SRBD1: variants seen among roughly 807,000 people sequenced by gnomAD.
SRBD1 encodes S1 RNA binding domain 1.
In SRBD1, 88 loss-of-function variants were observed where a neutral mutation model predicts 115.3. That is an observed-to-expected ratio of 0.76 (90% CI 0.64 to 0.91). The LOEUF (loss-of-function observed/expected upper bound fraction) is 0.91. Among genes scored for constraint, SRBD1 ranks in the 40% least tolerant of loss-of-function variants. SRBD1 has a pLI of 0.00. For synonymous variants in SRBD1, 509 were observed against 407.7 expected (o/e 1.25, Z -2.99); for missense variants, 1,385 against 1,177.4 (o/e 1.18, Z -2.58).
At chr2:45,497,821 G>A (rs570159593) in intron 14 of SRBD1, among the ~76,000 whole-genome samples, 9 of 152,066 alleles carry the variant, frequency 5.9e-5, no homozygotes, top group East Asian at 5.8e-4. Flanking sequence ...CAGATCACGA[G>A]GTCAGGAGTT....
chr2:45,533,396 T>C (rs1671672610), intron 14 of SRBD1, among the ~76,000 whole-genome samples: 1 of 152,050 alleles, frequency 6.6e-6, no homozygotes, highest in African/African-American at 2.4e-5. Context: ...AACCCTAATA[T>C]GGTTCCTAAC....
chr2:45,549,517 C>T (rs1672227952), intron 12 of SRBD1, among the ~76,000 whole-genome samples: 1 of 151,054 alleles, frequency 6.6e-6, no homozygotes, highest in Non-Finnish European at 1.5e-5. Flanking sequence ...GAAAGATGTG[C>T]CTAATGTATG....
At chr2:45,544,031 A>C (rs1044802020) in intron 14 of SRBD1, among the ~76,000 whole-genome samples, 8 of 152,110 alleles carry the variant, frequency 5.3e-5, no homozygotes, top group African/African-American at 1.7e-4. Flanking sequence ...GAAGGCACCA[A>C]AGATCCTGGC....
At chr2:45,440,788 G>T (rs1305390374) in intron 16 of SRBD1, among the ~76,000 whole-genome samples, 2 of 152,148 alleles carry the variant, frequency 1.3e-5, no homozygotes, top group South Asian at 2.1e-4. Context: ...ATGGTTCTGT[G>T]TGAGAGAGAC....
At chr2:45,472,714 T>C (rs76244870) in intron 16 of SRBD1, among the ~76,000 whole-genome samples, 1 of 152,220 alleles carries the variant, frequency 6.6e-6, no homozygotes, top group Non-Finnish European at 1.5e-5. Context: ...AAACAGTGAA[T>C]TTGTCTCATC....
At chr2:45,450,981 A>G (rs1668975203) in intron 16 of SRBD1, among the ~76,000 whole-genome samples, 1 of 152,188 alleles carries the variant, frequency 6.6e-6, no homozygotes, top group Admixed American at 6.5e-5. Flanking sequence ...GTGGAAACAC[A>G]AAAGATGTTT....
At chr2:45,607,760 C>T (rs894305182) in intron 1 of SRBD1, among the ~76,000 whole-genome samples, 1 of 152,060 alleles carries the variant, frequency 6.6e-6, no homozygotes, top group South Asian at 2.1e-4. Flanking sequence ...AGGCAACTGC[C>T]CCAGGAAAAA....
At chr2:45,538,724 T>C (rs1671842196) in intron 14 of SRBD1, among the ~76,000 whole-genome samples, 1 of 152,256 alleles carries the variant, frequency 6.6e-6, no homozygotes, top group African/African-American at 2.4e-5. Context: ...TTACTGAGTC[T>C]ATCTCATTCA....
intron 10 of SRBD1, among the ~76,000 whole-genome samples, chr2:45,558,993 C>A (rs987731974): frequency 6.6e-6 from 1 of 152,160 alleles, no homozygotes; most frequent in Admixed American, 6.5e-5. Flanking sequence ...AGCCACCACG[C>A]CCAGCCGCCA....
At chr2:45,459,971 C>T (rs1177073513) in intron 16 of SRBD1, among the ~76,000 whole-genome samples, 3 of 152,112 alleles carry the variant, frequency 2.0e-5, no homozygotes, top group East Asian at 1.9e-4. Context: ...AATAACCCAA[C>T]GGCAAGGATG....
Position 45,393,147 on chromosome 2 carries a change from A to C in SRBD1, c.2514-18T>G. The C allele has an allele frequency of 6.3e-7, 1 of 1,585,950 alleles. No homozygotes were observed. The highest frequency in any genetic ancestry group is 1.2e-5 in the South Asian group (1 of 85,626). On this transcript the variant is annotated intron_variant, in intron 19 of 20. Coordinates refer to ENST00000263736, the MANE Select transcript of SRBD1 (RefSeq NM_018079.5). ...ACAAAAACCTGCAGTGGAAAAAATA[A>C]AAAGCGCAACACTTAACAATATTAC...
intron 16 of SRBD1, among the ~76,000 whole-genome samples, chr2:45,442,971 C>T (rs940449949): frequency 1.3e-5 from 2 of 152,034 alleles, no homozygotes; most frequent in African/African-American, 4.8e-5. Context: ...TAACAAGCTA[C>T]AGTGCTGAAA....
At chr2:45,412,928 G>C (rs769085473) in intron 19 of SRBD1, among the ~76,000 whole-genome samples, 186 bp downstream of exon 19, 5 of 152,116 alleles carry the variant, frequency 3.3e-5, no homozygotes, top group Non-Finnish European at 5.9e-5. Flanking sequence ...TGCTCCAGGA[G>C]TAATGGTTTC....
chr2:45,585,674 T>C lies in SRBD1; in HGVS notation c.749A>G (p.Lys250Arg). 1 of 1,612,786 alleles carries C rather than the reference T, an allele frequency of 6.2e-7. No homozygotes were observed. Among genetic ancestry groups the C allele is most frequent in the Non-Finnish European group, 8.5e-7 (1 of 1,179,642 alleles). Residue 250 changes from lysine (K) to arginine (R), a missense_variant, in exon 5 of 21, where the codon AAA becomes AGA. Transcript: ENST00000263736. ...AGCATCAAGGTTATTAATGAGCTCT[T>C]TTCTATAACGTATAATGAAGGGAAT... ...NTIPFIIRYR[K>R]ELINNLDADS... is the part of the protein sequence containing the mutation.
At chr2:45,425,404 G>C (rs895594600) in intron 16 of SRBD1, among the ~76,000 whole-genome samples, 1 of 152,052 alleles carries the variant, frequency 6.6e-6, no homozygotes, top group African/African-American at 2.4e-5. Context: ...GCACAAAGGG[G>C]TGTGTATATG....
chr2:45,537,931 G>A (rs1427784147), intron 14 of SRBD1, among the ~76,000 whole-genome samples: 1 of 152,206 alleles, frequency 6.6e-6, no homozygotes, highest in Non-Finnish European at 1.5e-5. Context: ...GTATGAGAGA[G>A]AAAATTTAAA....
intron 12 of SRBD1, among the ~76,000 whole-genome samples, chr2:45,548,804 A>C (rs894748182): frequency 3.3e-5 from 5 of 152,074 alleles, no homozygotes; most frequent in Non-Finnish European, 7.3e-5. Flanking sequence ...AAAAACAAAA[A>C]GTCACGACTA....
intron 14 of SRBD1, among the ~76,000 whole-genome samples, chr2:45,516,899 A>G (rs1351178378): frequency 6.6e-6 from 1 of 152,158 alleles, no homozygotes; most frequent in Non-Finnish European, 1.5e-5. Flanking sequence ...TATGAGTACC[A>G]TATGCTAGGC....
chr2:45,552,126 T>C (rs1330652487), intron 11 of SRBD1, among the ~76,000 whole-genome samples: 1 of 152,196 alleles, frequency 6.6e-6, no homozygotes, highest in Non-Finnish European at 1.5e-5. Flanking sequence ...TGAATGATCA[T>C]GACAGTCACG....
Sources: allele counts gnomAD v4.1 joint callset (sites outside exome capture counted in the v4.1 genomes callset), GRCh38; gene constraint gnomAD v4.1.1; transcripts MANE v1.5; gene names NCBI Gene and HGNC (gene_info 2026-07-23, HGNC 2026-07-21).